PCDH9: variants seen among roughly 807,000 people sequenced by gnomAD.
PCDH9 encodes protocadherin-9.
Under a neutral mutation model 70.6 loss-of-function variants are expected in PCDH9, and 24 were observed. That is an observed-to-expected ratio of 0.34 (90% CI 0.25 to 0.48). The LOEUF (loss-of-function observed/expected upper bound fraction) is 0.48, where lower values mean the gene tolerates loss of function less well. PCDH9 is among the 20% of genes least tolerant of loss of function. PCDH9 has a pLI of 0.99. For missense variants in PCDH9, 1,281 were observed against 1,503.6 expected (o/e 0.85, Z 2.45); for synonymous variants, 562 against 558.5 (o/e 1.01, Z -0.09).
chr13:67,204,177 A>G (rs2089283978), intron 2 of PCDH9: 1 of 152,148 alleles, frequency 6.6e-6, no homozygotes, highest in African/African-American at 2.4e-5. Flanking sequence ...TAAGAGATAA[A>G]AGTGGCCACA....
chr13:66,842,535 C>T (rs1594134502), intron 3 of PCDH9, among the ~76,000 whole-genome samples: 1 of 152,150 alleles, frequency 6.6e-6, no homozygotes, highest in East Asian at 1.9e-4. Flanking sequence ...TCTTTTAGCC[C>T]CCAAAATTCT....
chr13:66,653,973 T>TA (rs59143528), intron 3 of PCDH9, among the ~76,000 whole-genome samples: 4,476 of 128,438 alleles, frequency 0.035, 288 homozygotes, highest in African/African-American at 0.12. Flanking sequence ...GTCTCAAAAT[T>TA]AAAAAAAAAA....
At chr13:66,940,834 T>C (rs2082996343) in intron 2 of PCDH9, among the ~76,000 whole-genome samples, 3 of 152,030 alleles carry the variant, frequency 2.0e-5, no homozygotes, top group Admixed American at 2.0e-4. Flanking sequence ...TTCTTGTACT[T>C]GTTTTTCTTG....
chr13:66,367,510 T>G (rs1262779297), intron 4 of PCDH9, among the ~76,000 whole-genome samples: 1 of 152,142 alleles, frequency 6.6e-6, no homozygotes, highest in Non-Finnish European at 1.5e-5. Flanking sequence ...CAGGGAAGCA[T>G]TTTTAACTAA....
intron 2 of PCDH9, among the ~76,000 whole-genome samples, chr13:66,968,171 A>G (rs1389810691): frequency 1.3e-5 from 2 of 152,104 alleles, no homozygotes; most frequent in Non-Finnish European, 2.9e-5. Context: ...AGCTTTTTAA[A>G]TACTTGCAGG....
intron 4 of PCDH9, among the ~76,000 whole-genome samples, chr13:66,552,941 C>G (rs9529092): frequency 6.6e-6 from 1 of 151,712 alleles, no homozygotes; most frequent in Non-Finnish European, 1.5e-5. Context: ...CACATGGTGG[C>G]GGGAGAGAGA....
At chr13:66,975,066 G>A (rs911921335) in intron 2 of PCDH9, among the ~76,000 whole-genome samples, 1 of 151,926 alleles carries the variant, frequency 6.6e-6, no homozygotes, top group Non-Finnish European at 1.5e-5. Context: ...AAAATTGTGG[G>A]TTTAAAGCTT....
chr13:66,834,944 AT>A (rs1399583461), intron 3 of PCDH9, among the ~76,000 whole-genome samples: 1 of 152,210 alleles, frequency 6.6e-6, no homozygotes, highest in African/African-American at 2.4e-5. Context: ...AGGTCAGAAA[AT>A]ATCTATCTAG....
chr13:67,171,999 G>A (rs1340172137), intron 2 of PCDH9, among the ~76,000 whole-genome samples: 1 of 152,180 alleles, frequency 6.6e-6, no homozygotes, highest in East Asian at 1.9e-4. Context: ...GAGCTGTACA[G>A]TCACAATTTA....
At position 66,894,496 on chromosome 13, in the gene PCDH9, G is replaced by T. The variant is rs1209763160; in HGVS notation, c.3138+9008C>A. On this transcript the variant is annotated intron_variant, in intron 3 of 4. Coordinates refer to ENST00000377865, the MANE Select transcript of PCDH9 (RefSeq NM_203487.3). ...TCATGGACATAAATAAGTGTATCAGGCAATTTAAATAGGTATAACATTCTT... is the reference window on the plus strand; with the variant it reads ...TCATGGACATAAATAAGTGTATCAGTCAATTTAAATAGGTATAACATTCTT... Among the ~76,000 whole-genome samples the T allele has an allele frequency of 2.6e-5, 4 of 152,098 alleles. No individual in the cohort carries two copies. In the East Asian group the frequency reaches 7.7e-4, roughly 29 times the overall value.
intron 4 of PCDH9, among the ~76,000 whole-genome samples, chr13:66,368,461 A>T (rs1956588437): frequency 6.6e-6 from 1 of 151,974 alleles, no homozygotes; most frequent in Non-Finnish European, 1.5e-5. Flanking sequence ...ATTTTATATT[A>T]AATAAGAGTG....
At chr13:66,958,130 G>T (rs1431209637) in intron 2 of PCDH9, among the ~76,000 whole-genome samples, 1 of 152,174 alleles carries the variant, frequency 6.6e-6, no homozygotes, top group Admixed American at 6.5e-5. Flanking sequence ...GAGGGCAGAA[G>T]AAATGAAATC....
chr13:67,115,468 T>G (rs927408385), intron 2 of PCDH9, among the ~76,000 whole-genome samples: 3 of 152,214 alleles, frequency 2.0e-5, no homozygotes, highest in Non-Finnish European at 2.9e-5. Context: ...TGGACCCTTT[T>G]CAATGCAATC....
intron 4 of PCDH9, among the ~76,000 whole-genome samples, chr13:66,438,062 C>T (rs908895548): frequency 3.3e-5 from 5 of 151,774 alleles, no homozygotes; most frequent in Non-Finnish European, 5.9e-5. Flanking sequence ...GGTGAAACCC[C>T]ATCTCTACTA....
chr13:67,015,468 C>T (rs1195926599), intron 2 of PCDH9, among the ~76,000 whole-genome samples: 1 of 152,108 alleles, frequency 6.6e-6, no homozygotes, highest in African/African-American at 2.4e-5. Flanking sequence ...GTGTCACCAC[C>T]TAGCCAGTCG....
intron 3 of PCDH9, among the ~76,000 whole-genome samples, chr13:66,890,455 T>TC (rs1299006431): frequency 1.4e-5 from 2 of 143,954 alleles, no homozygotes; most frequent in Non-Finnish European, 3.0e-5. Context: ...GAACTTTTTT[T>TC]TTTTTTTTTT....
chr13:66,371,851 G>C (rs12584811), intron 4 of PCDH9, among the ~76,000 whole-genome samples: 4,506 of 152,018 alleles, frequency 0.03, 179 homozygotes, highest in East Asian at 0.19. Flanking sequence ...AAACTTTTTG[G>C]TTTGTTTGTT....
chr13:67,073,676 TC>T (rs2085813658), intron 2 of PCDH9, among the ~76,000 whole-genome samples: 1 of 152,088 alleles, frequency 6.6e-6, no homozygotes, highest in Non-Finnish European at 1.5e-5. Flanking sequence ...TTTGAAGCTC[TC>T]CTGGTATGTA....
chr13:66,329,988 TGTATTAAGCAC>T (rs777920606), intron 4 of PCDH9, among the ~76,000 whole-genome samples: 1 of 152,200 alleles, frequency 6.6e-6, no homozygotes, highest in Non-Finnish European at 1.5e-5. Context: ...ATATAAATGT[TGTATTAAGCAC>T]TTAAACTGCA....
Sources: gnomAD v4.1 joint callset for allele counts (sites outside exome capture counted in the v4.1 genomes callset) on GRCh38, gnomAD v4.1.1 for gene constraint, MANE v1.5 for transcripts, NCBI Gene and HGNC (gene_info 2026-07-23, HGNC 2026-07-21) for gene names.